The following CNTN3 variants were observed in gnomAD, a reference collection of about 807,000 sequenced individuals.
The protein encoded by CNTN3 is contactin-3.
A neutral mutation model predicts 119.1 loss-of-function variants in CNTN3; 60 were observed. The ratio of observed to expected loss-of-function variants is 0.50; its 90% CI spans 0.41 to 0.62. The LOEUF (loss-of-function observed/expected upper bound fraction) is 0.62. CNTN3 is among the 20% of genes least tolerant of loss of function. The pLI, the probability that CNTN3 is intolerant of heterozygous loss-of-function variation, is 0.00. For missense variants in CNTN3, 1,101 were observed against 1,242.4 expected, an observed-to-expected ratio of 0.89 and a Z score of 1.71; for synonymous variants, 450 against 438.7, an observed-to-expected ratio of 1.03 and a Z score of -0.32.
intron 5 of CNTN3, among the ~76,000 whole-genome samples, chr3:74,397,740 C>T (rs1221387243): frequency 6.6e-6 from 1 of 152,124 alleles, no homozygotes. Context: ...AAATTGAAAA[C>T]CTTCTGGGAA....
At chr3:74,496,941 G>C (rs190318930) in intron 3 of CNTN3, among the ~76,000 whole-genome samples, 29 of 152,040 alleles carry the variant, frequency 1.9e-4, no homozygotes, top group African/African-American at 7.0e-4. Context: ...CTTCAGACAA[G>C]TTGGCATCAG....
At chr3:74,456,887 G>T (rs1169985807) in intron 4 of CNTN3, among the ~76,000 whole-genome samples, 1 of 151,850 alleles carries the variant, frequency 6.6e-6, no homozygotes, top group African/African-American at 2.4e-5. Context: ...TACACTCAAA[G>T]GCAAAATAAA....
Position 74,369,183 on chromosome 3 carries a change from G to A in CNTN3, c.946+6C>T. On this transcript the variant is annotated splice_donor_region_variant and intron_variant, in intron 8 of 22. Coordinates refer to ENST00000263665, the MANE Select transcript of CNTN3 (RefSeq NM_020872.3). ...AAACTCCAATTTGCCCAAAGCAGAT[G>A]CTCACCATAGTAAGTGAGACGCCCT... 6.3e-7 allele frequency: 1 copy of A among 1,580,522 alleles called. No individual in the cohort carries two copies. The highest frequency in any genetic ancestry group is 1.2e-5 in the South Asian group (1 of 85,942).
intron 4 of CNTN3, among the ~76,000 whole-genome samples, chr3:74,474,705 T>C (rs1376966247): frequency 6.6e-6 from 1 of 152,084 alleles, no homozygotes; most frequent in African/African-American, 2.4e-5. Context: ...TGGATGTGTG[T>C]CCTTCCCCAA....
In CNTN3 at chr3:74,336,561, C is replaced by T. The variant is rs200992823; in HGVS notation, c.1462G>A (p.Ala488Thr). The stretch of plus-strand genomic sequence containing the variant: ...ACAACCAAATGTGTTGTGCCATTTG[C>T]TTTCCCAAACTGGTTTTCTGCCATG... ...TCMAENQFGK[A>T]NGTTHLVVTE... is the part of the protein sequence containing the mutation. Residue 488 changes from alanine to threonine, a missense_variant, in exon 12 of 23, where the codon GCA becomes ACA. Transcript: ENST00000263665. The T allele has an allele frequency of 3.3e-4, 537 of 1,612,860 alleles. 1 individual carries two copies. The highest frequency in any genetic ancestry group is 1.7e-4 in the Middle Eastern group (1 of 6,056).
intron 4 of CNTN3, among the ~76,000 whole-genome samples, chr3:74,465,222 T>C (rs1702439343): frequency 6.6e-6 from 1 of 152,168 alleles, no homozygotes; most frequent in Non-Finnish European, 1.5e-5. Flanking sequence ...TCCAAAATTA[T>C]TTTTCACCAG....
At chr3:74,355,257 A>AAT (rs1703909202) in intron 11 of CNTN3, among the ~76,000 whole-genome samples, 1 of 152,028 alleles carries the variant, frequency 6.6e-6, no homozygotes, top group East Asian at 1.9e-4. Flanking sequence ...CTTCTCTTCA[A>AAT]ATCATGCCTC....
intron 13 of CNTN3, among the ~76,000 whole-genome samples, chr3:74,319,200 G>A (rs6810103): frequency 0.29 from 44,367 of 151,868 alleles, 7,133 homozygotes; most frequent in East Asian, 0.68. Flanking sequence ...AAGAGCCGGC[G>A]TCGCCAAGTC....
In CNTN3 at chr3:74,423,689, A is replaced by T. The variant is rs72900305; in HGVS notation, c.454+1156T>A. Among the ~76,000 whole-genome samples, 353 of 152,326 alleles carry T rather than the reference A, an allele frequency of 2.3e-3. 2 individuals carry two copies. Among genetic ancestry groups the T allele is most frequent in the African/African-American group, 8.3e-3 (344 of 41,572 alleles). ...AGGCTCTATGCTTCCCTTCAAACTT[A>T]AAGTTCTTCTGAAACATCAAGATTC... On this transcript the variant is annotated intron_variant, in intron 5 of 22. Transcript: ENST00000263665.
intron 4 of CNTN3, among the ~76,000 whole-genome samples, chr3:74,439,525 T>A (rs1559602135): frequency 2.0e-5 from 3 of 152,132 alleles, no homozygotes. Context: ...TTTCATCTTA[T>A]ATGATACTAA....
intron 1 of CNTN3, among the ~76,000 whole-genome samples, chr3:74,546,694 G>A (rs546785171): frequency 8.5e-5 from 13 of 152,222 alleles, no homozygotes; most frequent in Admixed American, 3.9e-4. Flanking sequence ...CTGCACTGTC[G>A]GCGTCCCTAC....
At chr3:74,368,464 T>C (rs1401774226) in intron 8 of CNTN3, among the ~76,000 whole-genome samples, 1 of 152,066 alleles carries the variant, frequency 6.6e-6, no homozygotes, top group Non-Finnish European at 1.5e-5. Flanking sequence ...AATATATACG[T>C]CTCCATATAT....
At chr3:74,331,480 CA>C (rs572704239) in intron 13 of CNTN3, among the ~76,000 whole-genome samples, 130 of 152,218 alleles carry the variant, frequency 8.5e-4, no homozygotes, top group African/African-American at 2.9e-3. Flanking sequence ...CATCGTTAAG[CA>C]ACATGTGACT....
chr3:74,455,613 T>G (rs1429745860), intron 4 of CNTN3, among the ~76,000 whole-genome samples: 6 of 152,078 alleles, frequency 3.9e-5, no homozygotes, highest in Non-Finnish European at 8.8e-5. Context: ...GCTCTGTTTT[T>G]TCCCCATCTT....
chr3:74,379,669 AGTTCTTT>A (rs1704567733), intron 5 of CNTN3, among the ~76,000 whole-genome samples: 1 of 152,132 alleles, frequency 6.6e-6, no homozygotes, highest in Non-Finnish European at 1.5e-5. Flanking sequence ...CTCCAGTTGA[AGTTCTTT>A]CGGTGGGACT....
At chr3:74,459,826 T>C (rs1702333663) in intron 4 of CNTN3, among the ~76,000 whole-genome samples, 2 of 152,056 alleles carry the variant, frequency 1.3e-5, no homozygotes, top group Admixed American at 6.6e-5. Context: ...CGGGCTATTA[T>C]ACTTTTCTGG....
chr3:74,524,645 C>G (rs1703590038), intron 1 of CNTN3, among the ~76,000 whole-genome samples: 1 of 151,748 alleles, frequency 6.6e-6, no homozygotes, highest in South Asian at 2.1e-4. Context: ...TTGTGAGTAG[C>G]TAATGTCTGG....
chr3:74,322,706 G>A (rs78774025), intron 13 of CNTN3, among the ~76,000 whole-genome samples: 24,636 of 152,118 alleles, frequency 0.16, 2,849 homozygotes, highest in East Asian at 0.49. Flanking sequence ...GTATATAGCA[G>A]CTTTATTCAT....
chr3:74,608,698 T>C (rs538903660), intron 1 of CNTN3, among the ~76,000 whole-genome samples: 1 of 152,308 alleles, frequency 6.6e-6, no homozygotes, highest in South Asian at 2.1e-4. Flanking sequence ...GAAGCCCCAC[T>C]ATAACTATAG....
Sources: gnomAD v4.1 joint callset for allele counts (sites outside exome capture counted in the v4.1 genomes callset) on GRCh38, gnomAD v4.1.1 for gene constraint, MANE v1.5 for transcripts, NCBI Gene and HGNC (gene_info 2026-07-23, HGNC 2026-07-21) for gene names.